The following TENM2 variants were observed in gnomAD, a reference collection of about 807,000 sequenced individuals.
The protein encoded by TENM2 is teneurin transmembrane protein 2.
In TENM2, 52 loss-of-function variants were observed where a neutral mutation model predicts 245.2. That is an observed-to-expected ratio of 0.21 (90% CI 0.17 to 0.27). The LOEUF (loss-of-function observed/expected upper bound fraction) is 0.27, where lower values mean the gene tolerates loss of function less well. Ranked by LOEUF, TENM2 falls within the 10% of genes least tolerant of loss-of-function variation. TENM2 has a pLI of 1.00. For synonymous variants in TENM2, 1,363 were observed against 1,438.9 expected (o/e 0.95, Z 1.19); for missense variants, 3,046 against 3,666.8 (o/e 0.83, Z 4.37).
chr5:167,749,216 AC>A (rs1761790223), intron 2 of TENM2, among the ~76,000 whole-genome samples: 1 of 152,234 alleles, frequency 6.6e-6, no homozygotes, highest in Non-Finnish European at 1.5e-5. Context: ...AAGGCATTAT[AC>A]TAAGAACGGA....
chr5:167,461,067 T>A (rs967030752), intron 2 of TENM2, among the ~76,000 whole-genome samples: 1 of 152,238 alleles, frequency 6.6e-6, no homozygotes, highest in African/African-American at 2.4e-5. Context: ...GGACTCACTA[T>A]AGCGCCATAG....
At chr5:167,107,639 G>A in the TENM2 span, among the ~76,000 whole-genome samples, 6 of 152,030 alleles carry the variant, frequency 3.9e-5, 1 homozygote, top group South Asian at 1.0e-3. Flanking sequence ...TTTGGAAAAT[G>A]TGTCTGGTTT....
chr5:167,867,544 C>T (rs191782103), intron 2 of TENM2, among the ~76,000 whole-genome samples: 26 of 152,236 alleles, frequency 1.7e-4, no homozygotes, highest in Admixed American at 1.4e-3. Flanking sequence ...CATCTGAAAA[C>T]GATTTGTTTT....
chr5:167,454,432 A>C (rs1311374528), intron 2 of TENM2, among the ~76,000 whole-genome samples: 1 of 148,666 alleles, frequency 6.7e-6, no homozygotes, highest in Non-Finnish European at 1.5e-5. Flanking sequence ...GAGTTAAAAA[A>C]ATAATGGCAC....
At chr5:168,205,373 T>C (rs1447885203) in intron 19 of TENM2, among the ~76,000 whole-genome samples, 5 of 151,556 alleles carry the variant, frequency 3.3e-5, no homozygotes, top group Non-Finnish European at 7.4e-5. Flanking sequence ...TGTGTTTGTG[T>C]TCTGGTAAGG....
At chr5:167,797,034 C>G (rs966716230) in intron 2 of TENM2, among the ~76,000 whole-genome samples, 1 of 152,072 alleles carries the variant, frequency 6.6e-6, no homozygotes, top group African/African-American at 2.4e-5. Flanking sequence ...TGTTACAATC[C>G]CCTCTTGAAT....
intron 9 of TENM2, among the ~76,000 whole-genome samples, chr5:168,107,156 C>T (rs1330579062): frequency 1.3e-5 from 2 of 152,174 alleles, no homozygotes; most frequent in African/African-American, 4.8e-5. Context: ...CCTTCCTCTT[C>T]CCACCACCTG....
the TENM2 span, among the ~76,000 whole-genome samples, chr5:167,269,438 T>G: frequency 1.3e-5 from 2 of 152,182 alleles, no homozygotes; most frequent in Middle Eastern, 3.4e-3. Flanking sequence ...CGTTTCTGGA[T>G]TTTGCACCTT....
chr5:167,617,734 C>T lies in TENM2; in HGVS notation c.502+242261C>T, dbSNP rs115822017. Among the ~76,000 whole-genome samples the T allele has an allele frequency of 8.0e-3, 1,213 of 152,148 alleles. 18 individuals are homozygous for T. The highest frequency in any genetic ancestry group is 0.028 in the African/African-American group (1,143 of 41,528). On this transcript the variant is annotated intron_variant, in intron 2 of 28. Transcript: ENST00000518659. Reference sequence around the variant, plus strand: ...TGCTATGCTTTAAACATTGTCTTCACGGGCATTTAACTGGTGAATATTCAA... The same window carrying T: ...TGCTATGCTTTAAACATTGTCTTCATGGGCATTTAACTGGTGAATATTCAA...
At chr5:167,353,958 A>T (rs563587165) in intron 1 of TENM2, among the ~76,000 whole-genome samples, 1 of 152,346 alleles carries the variant, frequency 6.6e-6, no homozygotes. Context: ...ATTGTAAAAT[A>T]AATAAATGTG....
At chr5:168,184,025 C>T (rs943626681) in intron 13 of TENM2, among the ~76,000 whole-genome samples, 2 of 152,154 alleles carry the variant, frequency 1.3e-5, no homozygotes, top group Non-Finnish European at 2.9e-5. Context: ...AGATGAAGAT[C>T]AAGAGCATGC....
At chr5:167,154,511 G>T in the TENM2 span, among the ~76,000 whole-genome samples, 1 of 152,090 alleles carries the variant, frequency 6.6e-6, no homozygotes. Context: ...ATGAAACATC[G>T]TTGGGACATT....
the TENM2 span, among the ~76,000 whole-genome samples, chr5:167,127,191 T>C: frequency 1.3e-5 from 2 of 152,126 alleles, no homozygotes; most frequent in Non-Finnish European, 2.9e-5. Flanking sequence ...TTTCCCAAAT[T>C]TGTAACTTCT....
At chr5:167,471,170 C>T (rs1449858649) in intron 2 of TENM2, among the ~76,000 whole-genome samples, 2 of 152,194 alleles carry the variant, frequency 1.3e-5, no homozygotes, top group African/African-American at 4.8e-5. Context: ...TACTTTATGA[C>T]ATGCCCTTGC....
At chr5:168,206,572 G>C (rs773465767) in intron 19 of TENM2, among the ~76,000 whole-genome samples, 1 of 152,234 alleles carries the variant, frequency 6.6e-6, no homozygotes, top group Non-Finnish European at 1.5e-5. Flanking sequence ...TGAACAATGA[G>C]AGCAAGAAGG....
At chr5:167,267,927 T>C in the TENM2 span, among the ~76,000 whole-genome samples, 2 of 148,618 alleles carry the variant, frequency 1.3e-5, no homozygotes, top group Non-Finnish European at 3.0e-5. Context: ...CAACAAAGAG[T>C]CTTTTTAAAT....
chr5:167,942,196 A>C (rs1779239861), intron 3 of TENM2, among the ~76,000 whole-genome samples: 1 of 152,226 alleles, frequency 6.6e-6, no homozygotes, highest in African/African-American at 2.4e-5. Context: ...TGACAGAGTG[A>C]GACTCCCATC....
rs192239764 is a variant in TENM2, at chr5:167,362,272, T to A, written c.227-12926T>A. On this transcript the variant is annotated intron_variant, in intron 1 of 28. Coordinates refer to ENST00000518659, the Ensembl canonical transcript of TENM2. Reference sequence around the variant, plus strand: ...TGCCATTTTTTATAAGCTCAATGGCTGGAGGCTTAGTATGGTTTTAGACAA... The same window carrying A: ...TGCCATTTTTTATAAGCTCAATGGCAGGAGGCTTAGTATGGTTTTAGACAA... 3.1e-3 allele frequency among the ~76,000 whole-genome samples: 475 copies of A among 152,338 alleles called. 2 individuals are homozygous for A. Among genetic ancestry groups the A allele is most frequent in the Non-Finnish European group, 2.0e-3 (138 of 68,028 alleles).
At chr5:167,306,516 C>T (rs1311032675) in intron 1 of TENM2, 3 of 151,934 alleles carry the variant, frequency 2.0e-5, no homozygotes, top group African/African-American at 4.8e-5. Context: ...ACTAGAAAAT[C>T]GTCTGTTGTC....
Sources: allele counts gnomAD v4.1 joint callset (sites outside exome capture counted in the v4.1 genomes callset), GRCh38; gene constraint gnomAD v4.1.1; transcripts MANE v1.5; gene names NCBI Gene and HGNC (gene_info 2026-07-23, HGNC 2026-07-21).